The following CA12 variants were observed in gnomAD, a reference collection of about 807,000 sequenced individuals.
CA12 encodes carbonic anhydrase 12, also known as carbonate dehydratase XII.
In CA12, 36 loss-of-function variants were observed where a neutral mutation model predicts 46.8. The observed-to-expected ratio is 0.77, with a 90% CI of 0.59 to 1.02. CA12 has a LOEUF of 1.02. Ranked by LOEUF, CA12 falls within the 50% of genes least tolerant of loss-of-function variation. CA12 has a pLI of 0.00. For missense variants in CA12, 436 were observed against 451.4 expected (o/e 0.97, Z 0.31); for synonymous variants, 202 against 187.0 (o/e 1.08, Z -0.65).
intron 8 of CA12, among the ~76,000 whole-genome samples, chr15:63,335,731 A>G (rs2038994694): frequency 6.6e-6 from 1 of 152,034 alleles, no homozygotes; most frequent in South Asian, 2.1e-4. Context: ...CCAGACCCTA[A>G]TTACAAACAT....
rs2039042620 is a variant in CA12, at chr15:63,339,089, A to C, written c.748-144T>G. Reference sequence around the variant, plus strand: ...GGCCGGGTGGGAGATATTAGAAAGCAGAGGGAAAGCCACAGAACTGCTTCC... The same window carrying C: ...GGCCGGGTGGGAGATATTAGAAAGCCGAGGGAAAGCCACAGAACTGCTTCC... On this transcript the variant is annotated intron_variant, in intron 7 of 10. Coordinates refer to ENST00000178638, the MANE Select transcript of CA12 (RefSeq NM_001218.5). The surrounding 1 kb of genome is among the most constrained non-coding windows in gnomAD (Gnocchi z 4.3). 1 of 1,048,546 alleles carries C rather than the reference A, an allele frequency of 9.5e-7. No homozygotes were observed. Among genetic ancestry groups the C allele is most frequent in the Non-Finnish European group, 1.4e-6 (1 of 702,866 alleles). The allele number at this position is 1,048,546 out of a possible 1,614,324, so 65.0% of individuals were successfully genotyped here.
intron 8 of CA12, among the ~76,000 whole-genome samples, chr15:63,334,322 C>A: frequency 8.0e-6 from 1 of 125,518 alleles, no homozygotes. Context: ...CTGGTGCAAT[C>A]TTGGCTCACT....
In CA12 at chr15:63,345,863, C is replaced by G. The variant is rs940292361; in HGVS notation, c.287-244G>C. Among the ~76,000 whole-genome samples the G allele has an allele frequency of 9.9e-5, 15 of 152,222 alleles. No homozygotes were observed. Among genetic ancestry groups the G allele is most frequent in the African/African-American group, 3.6e-4 (15 of 41,462 alleles). On this transcript the variant is annotated intron_variant, in intron 3 of 10. Transcript: ENST00000178638. The surrounding 1 kb of genome is among the most constrained non-coding windows in gnomAD (Gnocchi z 4.3). ...TGGCACCAGCACCTTCTTGGTTCAC[C>G]TTGGAAAGTGATGCCAGAAACGCTA...
intron 2 of CA12, among the ~76,000 whole-genome samples, chr15:63,370,850 T>G (rs2039495624): frequency 1.3e-5 from 2 of 152,126 alleles, no homozygotes; most frequent in Admixed American, 1.3e-4. Context: ...TTTGTGCCCC[T>G]TATTCATCCT....
At position 63,340,121 on chromosome 15, in the gene CA12, TC is replaced by T; in HGVS notation, c.747+166del. ...TGCCTAGCTTGACTTCTTTTGAAGC[TC>T]AGCCTGGAATTTCTGCGGTGCTTTC... On this transcript the variant is annotated intron_variant, in intron 7 of 10. Transcript: ENST00000178638. The surrounding 1 kb of genome is among the most constrained non-coding windows in gnomAD (Gnocchi z 4.4). The T allele has an allele frequency of 1.2e-6, 1 of 804,018 alleles. No individual in the cohort carries two copies. Among genetic ancestry groups the T allele is most frequent in the Non-Finnish European group, 2.1e-6 (1 of 481,264 alleles). The allele number at this position is 804,018 out of a possible 1,614,324, so 49.8% of individuals were successfully genotyped here. A position where few individuals can be genotyped will look rare whatever the true frequency, so the allele number is the denominator to read the frequency against.
At chr15:63,377,486 T>TA (rs35858118) in intron 1 of CA12, among the ~76,000 whole-genome samples, 4 of 151,668 alleles carry the variant, frequency 2.6e-5, no homozygotes, top group East Asian at 1.9e-4. Flanking sequence ...GCTTTTTTTT[T>TA]AAAAAAAAGC....
rs1379614103 is a variant in CA12, at chr15:63,348,306, A to G, written c.107-1597T>C. ...TACTATTCTTATTTTCAAGGCCTCA[A>G]AATAACTCAACTACACCAAGATGGT... On this transcript the variant is annotated intron_variant, in intron 2 of 10. Transcript: ENST00000178638. This position sits in a 1 kb window ranked among gnomAD's most constrained non-coding sequence, Gnocchi z 4.6. Among the ~76,000 whole-genome samples, 1 of 152,214 alleles carries G rather than the reference A, an allele frequency of 6.6e-6. No homozygotes were observed. The highest frequency in any genetic ancestry group is 1.5e-5 in the Non-Finnish European group (1 of 68,042).
At chr15:63,358,884 C>T (rs72748942) in intron 2 of CA12, among the ~76,000 whole-genome samples, 2,657 of 152,294 alleles carry the variant, frequency 0.017, 22 homozygotes, top group South Asian at 0.026. Flanking sequence ...ACAGACTCTT[C>T]GGCCCTCGCA....
chr15:63,340,565 C>A lies in CA12; in HGVS notation c.590-120G>T. ...AGCCCCTTTCAGGGTCATCTAACCC[C>A]AGGACCTGGTTGCAACATTGTTCAA... On this transcript the variant is annotated intron_variant, in intron 6 of 10. Transcript: ENST00000178638. This position sits in a 1 kb window ranked among gnomAD's most constrained non-coding sequence, Gnocchi z 4.4. 6.9e-7 allele frequency: 1 copy of A among 1,455,106 alleles called. No individual in the cohort carries two copies. Among genetic ancestry groups the A allele is most frequent in the Non-Finnish European group, 9.6e-7 (1 of 1,036,602 alleles). The allele number at this position is 1,455,106 out of a possible 1,614,324, so 90.1% of individuals were successfully genotyped here. A position where few individuals can be genotyped will look rare whatever the true frequency, so the allele number is the denominator to read the frequency against.
Position 63,350,139 on chromosome 15 carries a change from T to C in CA12, c.107-3430A>G, listed in dbSNP as rs1595783650. Among the ~76,000 whole-genome samples, 5 of 152,062 alleles carry C rather than the reference T, an allele frequency of 3.3e-5. No individual in the cohort carries two copies. The South Asian group carries it at 1.0e-3, about 32-fold the overall frequency. On this transcript the variant is annotated intron_variant, in intron 2 of 10. Transcript: ENST00000178638. Reference sequence around the variant, plus strand: ...CCCCCAGCATGTAATGGCTAGTGGGTGTCCCCGCCTTGCATAGCTGGGGAC... The same window carrying C: ...CCCCCAGCATGTAATGGCTAGTGGGCGTCCCCGCCTTGCATAGCTGGGGAC...
Position 63,345,754 on chromosome 15 carries a change from G to T in CA12, c.287-135C>A. On this transcript the variant is annotated intron_variant, in intron 3 of 10. Coordinates refer to ENST00000178638, the MANE Select transcript of CA12 (RefSeq NM_001218.5). This position sits in a 1 kb window ranked among gnomAD's most constrained non-coding sequence, Gnocchi z 4.3. ...AGAGAGAGGCAGGTGGATGGAGTGA[G>T]GTGCGGAGCAGAGATGCAGCCTAAA... is the stretch of plus-strand genomic sequence containing the variant. The T allele has an allele frequency of 8.5e-7, 1 of 1,173,958 alleles. No individual in the cohort carries two copies. Among genetic ancestry groups the T allele is most frequent in the Non-Finnish European group, 1.2e-6 (1 of 818,548 alleles). The allele number at this position is 1,173,958 out of a possible 1,614,324, so 72.7% of individuals were successfully genotyped here. A position where few individuals can be genotyped will look rare whatever the true frequency, so the allele number is the denominator to read the frequency against.
intron 2 of CA12, among the ~76,000 whole-genome samples, chr15:63,361,000 T>G (rs1048075065): frequency 6.6e-6 from 1 of 152,210 alleles, no homozygotes; most frequent in Admixed American, 6.5e-5. Flanking sequence ...GTCAACAGTT[T>G]CTTCCTGACA....
rs1450290890 is a variant in CA12, at chr15:63,346,717, C to G, written c.107-8G>C. The G allele has an allele frequency of 6.2e-7, 1 of 1,614,054 alleles. No individual in the cohort carries two copies. The highest frequency in any genetic ancestry group is 1.1e-5 in the South Asian group (1 of 91,074). On this transcript the variant is annotated splice_polypyrimidine_tract_variant and splice_region_variant and intron_variant, in intron 2 of 10. Transcript: ENST00000178638. ...TATTCTCCCCATCAGGACCTGGACA[C>G]AGAGATCCATGCTCAAGATTTAGAG...
At position 63,330,978 on chromosome 15, in the gene CA12, C is replaced by T. The variant is rs1041939854; in HGVS notation, c.875-2848G>A. On this transcript the variant is annotated intron_variant, in intron 8 of 10. Coordinates refer to ENST00000178638, the MANE Select transcript of CA12 (RefSeq NM_001218.5). This position sits in a 1 kb window ranked among gnomAD's most constrained non-coding sequence, Gnocchi z 4.0. Reference sequence around the variant, plus strand: ...CTTTGATACAGCAAAAACGAAGCAGCTTGACTGAGCCAACATCATAAGCTG... The same window carrying T: ...CTTTGATACAGCAAAAACGAAGCAGTTTGACTGAGCCAACATCATAAGCTG... Among the ~76,000 whole-genome samples, 1 of 152,230 alleles carries T rather than the reference C, an allele frequency of 6.6e-6. No homozygotes were observed.
At position 63,355,471 on chromosome 15, in the gene CA12, G is replaced by A. The variant is rs2039282791; in HGVS notation, c.107-8762C>T. 2.0e-5 allele frequency among the ~76,000 whole-genome samples: 3 copies of A among 152,124 alleles called. 1 individual carries two copies. Among genetic ancestry groups the A allele is most frequent in the East Asian group, 3.8e-4 (2 of 5,200 alleles). ...TCTCGGGCCCCACCCCAGGCCTACC[G>A]AACCGGACACTCTGGGGGTGGCGCC... On this transcript the variant is annotated intron_variant, in intron 2 of 10. Transcript: ENST00000178638. The surrounding 1 kb of genome is among the most constrained non-coding windows in gnomAD (Gnocchi z 4.1).
At chr15:63,334,284 A>G (rs1198974939) in intron 8 of CA12, among the ~76,000 whole-genome samples, 5 of 105,100 alleles carry the variant, frequency 4.8e-5, no homozygotes, top group African/African-American at 2.0e-4. Flanking sequence ...CAGATGGAGT[A>G]TCACTCTGTC....
At chr15:63,364,595 C>T (rs902586653) in intron 2 of CA12, among the ~76,000 whole-genome samples, 1 of 152,212 alleles carries the variant, frequency 6.6e-6, no homozygotes, top group African/African-American at 2.4e-5. Flanking sequence ...TTCAATCAGT[C>T]TTTGCAGCCT....
chr15:63,352,015 G>T (rs2039238921), intron 2 of CA12, among the ~76,000 whole-genome samples: 1 of 152,130 alleles, frequency 6.6e-6, no homozygotes, highest in Non-Finnish European at 1.5e-5. Context: ...ATGCGTGGTG[G>T]TTATGGTAAG....
chr15:63,354,771 G>C (rs1343206018), intron 2 of CA12, among the ~76,000 whole-genome samples: 1 of 152,122 alleles, frequency 6.6e-6, no homozygotes, highest in East Asian at 1.9e-4. Flanking sequence ...GGTGGTGGGG[G>C]CCAGGAGTGC....
Sources: allele counts gnomAD v4.1 joint callset (sites outside exome capture counted in the v4.1 genomes callset), GRCh38; gene constraint gnomAD v4.1.1; non-coding constraint Gnocchi (gnomAD v3.1); transcripts MANE v1.5; gene names NCBI Gene and HGNC (gene_info 2026-07-23, HGNC 2026-07-21).